Variants in NPNT observed in about 807,000 individuals in gnomAD.
The protein encoded by NPNT is nephronectin, also known as preosteoblast EGF-like repeat protein with MAM domain.
NPNT carries 45 observed loss-of-function variants against 68.6 expected under a neutral mutation model. The ratio of observed to expected loss-of-function variants is 0.66; its 90% CI spans 0.52 to 0.84. NPNT has a LOEUF of 0.84. Among genes scored for constraint, NPNT ranks in the 40% least tolerant of loss-of-function variants. The pLI is 0.00. For missense variants in NPNT, 672 were observed against 714.8 expected (o/e 0.94, Z 0.68); for synonymous variants, 233 against 253.3 (o/e 0.92, Z 0.76).
At chr4:105,932,118 T>G (rs1337920043) in intron 3 of NPNT, among the ~76,000 whole-genome samples, 2 of 152,202 alleles carry the variant, frequency 1.3e-5, no homozygotes, top group African/African-American at 4.8e-5. Context: ...TTAAATAAAA[T>G]CTTTATGTAA....
Position 105,895,587 on chromosome 4 carries a change from G to A in NPNT, c.-66G>A, listed in dbSNP as rs1725748005. On this transcript the variant is annotated 5_prime_UTR_variant, in exon 1 of 12. Coordinates refer to ENST00000379987, the MANE Select transcript of NPNT (RefSeq NM_001033047.3). ...GACTCTCAGAGGGGCGCCTCCCATC[G>A]GCGCCCACCACCCCAACCTGTTCCT... 4 of 1,369,024 alleles carry A rather than the reference G, an allele frequency of 2.9e-6. No individual in the cohort carries two copies. The highest frequency in any genetic ancestry group is 4.0e-6 in the Non-Finnish European group (4 of 990,684). The allele number at this position is 1,369,024 out of a possible 1,614,324, so 84.8% of individuals were successfully genotyped here.
chr4:105,909,829 T>G (rs1284747972), intron 2 of NPNT, among the ~76,000 whole-genome samples: 1 of 152,216 alleles, frequency 6.6e-6, no homozygotes, highest in African/African-American at 2.4e-5. Context: ...ACCTTTCCCT[T>G]TTATGCATGC....
At chr4:105,907,662 A>G (rs769953378) in intron 2 of NPNT, among the ~76,000 whole-genome samples, 1 of 152,220 alleles carries the variant, frequency 6.6e-6, no homozygotes, top group Middle Eastern at 3.2e-3. Context: ...TAGCATATTG[A>G]TGGTGCATCC....
intron 2 of NPNT, among the ~76,000 whole-genome samples, chr4:105,899,613 T>C (rs971088319): frequency 1.3e-5 from 2 of 152,224 alleles, no homozygotes; most frequent in African/African-American, 2.4e-5. Flanking sequence ...ACATAGCAGT[T>C]AGGCAAACAT....
At chr4:105,952,446 A>G (rs889654726) in intron 8 of NPNT, among the ~76,000 whole-genome samples, 10 of 152,322 alleles carry the variant, frequency 6.6e-5, no homozygotes, top group African/African-American at 2.2e-4. Flanking sequence ...AATAATGACA[A>G]TAGTCTTTTC....
rs370332718 is a variant in NPNT, at chr4:105,968,953, T to A, written c.1661T>A (p.Val554Glu). ...GHTGEIGLDD[V>E]SLKKGHCSEE... ...ACTGGGGAGATTGGATTAGATGATGTGAGCTTGAAAAAAGGCCACTGCTCT... is the reference window on the plus strand; with the variant it reads ...ACTGGGGAGATTGGATTAGATGATGAGAGCTTGAAAAAAGGCCACTGCTCT... The change falls in exon 12 of 12, where the codon GTG (valine) becomes GAG (glutamate). Residue 554 changes from valine to glutamate, a missense_variant. Val to Glu is a moderately radical substitution (Grantham distance 121). Coordinates refer to ENST00000379987, the MANE Select transcript of NPNT (RefSeq NM_001033047.3). 6.2e-7 allele frequency: 1 copy of A among 1,613,250 alleles called. No individual in the cohort carries two copies. Among genetic ancestry groups the A allele is most frequent in the East Asian group, 2.2e-5 (1 of 44,864 alleles).
intron 8 of NPNT, among the ~76,000 whole-genome samples, chr4:105,954,983 T>C (rs1297199583): frequency 1.3e-5 from 2 of 152,250 alleles, no homozygotes; most frequent in Admixed American, 1.3e-4. Context: ...ATGCTTTGTA[T>C]AGCTGATGCT....
At chr4:105,926,685 A>G (rs981974627) in intron 2 of NPNT, among the ~76,000 whole-genome samples, 1 of 152,226 alleles carries the variant, frequency 6.6e-6, no homozygotes, top group Non-Finnish European at 1.5e-5. Context: ...CAGTTGATGG[A>G]AAAGAGTGAA....
At chr4:105,901,944 T>G (rs930939202) in intron 2 of NPNT, among the ~76,000 whole-genome samples, 2 of 152,158 alleles carry the variant, frequency 1.3e-5, no homozygotes, top group African/African-American at 4.8e-5. Flanking sequence ...GATGAAAAAA[T>G]TATTGAATTA....
At position 105,932,515 on chromosome 4, in the gene NPNT, A is replaced by C; in HGVS notation, c.266-4494A>C. On this transcript the variant is annotated intron_variant, in intron 3 of 11. Transcript: ENST00000379987. ...AATGCATTCTTTTTAAACTCTACCA[A>C]CTGTATGTAATTGTTTAATATATAC... 1.0e-5 allele frequency: 7 copies of C among 685,904 alleles called. No homozygotes were observed. The Middle Eastern group carries it at 1.7e-3, about 166-fold the overall frequency. 42.5% of individuals were successfully genotyped at this position (685,904 alleles called of 1,614,324 possible).
rs9715050 is a variant in NPNT, at chr4:105,959,863, G to A, written c.1345+737G>A. 9.8e-3 allele frequency among the ~76,000 whole-genome samples: 1,421 copies of A among 145,648 alleles called. 7 individuals are homozygous for A. The highest frequency in any genetic ancestry group is 0.013 in the Non-Finnish European group (883 of 67,132). On this transcript the variant is annotated intron_variant, in intron 10 of 11. Transcript: ENST00000379987. ...CTTGCTCTGTTGCCCAGGCTAGAGT[G>A]CAGTGGCGCGATCTCGGCTCACTGC...
intron 3 of NPNT, among the ~76,000 whole-genome samples, chr4:105,928,954 TA>T (rs1213162484): frequency 1.3e-5 from 2 of 152,172 alleles, no homozygotes; most frequent in Non-Finnish European, 2.9e-5. Context: ...TATTTATTTT[TA>T]TTTTTTTAAT....
At chr4:105,968,645 G>T (rs1488401754) in intron 11 of NPNT, among the ~76,000 whole-genome samples, 2 of 152,172 alleles carry the variant, frequency 1.3e-5, no homozygotes, top group East Asian at 1.9e-4. Context: ...AATCGAATTG[G>T]TCTATAGCTT....
intron 11 of NPNT, 65 bp from the exon 12 acceptor site, chr4:105,968,830 G>A: frequency 1.1e-6 from 1 of 878,656 alleles, no homozygotes; most frequent in Non-Finnish European, 1.8e-6. Flanking sequence ...CTTTATTTTT[G>A]CTTAATAAGG....
At chr4:105,938,477 G>C in intron 5 of NPNT, 57 bp downstream of exon 5, 1 of 1,573,538 alleles carries the variant, frequency 6.4e-7, no homozygotes, top group Non-Finnish European at 8.6e-7. Flanking sequence ...AAGGGAGAAA[G>C]TGAAAGGTGA....
At chr4:105,942,136 T>TAG (rs140603677) in intron 7 of NPNT, among the ~76,000 whole-genome samples, 171 bp from the exon 8 acceptor site, 5 of 147,740 alleles carry the variant, frequency 3.4e-5, no homozygotes, top group Non-Finnish European at 5.9e-5. Context: ...TATATATATA[T>TAG]ACACACATAT....
chr4:105,947,673 G>C (rs7673502), intron 8 of NPNT, among the ~76,000 whole-genome samples: 132,140 of 152,158 alleles, frequency 0.87, 57,972 homozygotes, highest in East Asian at 1. Context: ...CTCACTCTTC[G>C]CTGGGCCCAA....
chr4:105,915,864 G>A (rs977002145), intron 2 of NPNT, among the ~76,000 whole-genome samples: 17 of 151,750 alleles, frequency 1.1e-4, no homozygotes, highest in African/African-American at 1.7e-4. Context: ...CTTTTCCTTC[G>A]TCAACTTCAG....
At chr4:105,910,396 T>C (rs1446563869) in intron 2 of NPNT, among the ~76,000 whole-genome samples, 2 of 152,148 alleles carry the variant, frequency 1.3e-5, no homozygotes, top group Non-Finnish European at 2.9e-5. Flanking sequence ...CATTTTATGA[T>C]GGCCATAGAG....
Sources: gnomAD v4.1 joint callset for allele counts (sites outside exome capture counted in the v4.1 genomes callset) on GRCh38, gnomAD v4.1.1 for gene constraint, MANE v1.5 for transcripts, NCBI Gene and HGNC (gene_info 2026-07-23, HGNC 2026-07-21) for gene names.